The following KLHL4 variants were observed in gnomAD, a reference collection of about 807,000 sequenced individuals.
The protein encoded by KLHL4 is kelch-like protein 4.
Under a neutral mutation model 45.8 loss-of-function variants are expected in KLHL4, and 17 were observed. That is an observed-to-expected ratio of 0.37 (90% CI 0.25 to 0.56). The LOEUF is 0.56. Among genes scored for constraint, KLHL4 ranks in the 20% least tolerant of loss-of-function variants. The pLI is 0.79. For synonymous variants in KLHL4, 224 were observed against 189.9 expected, an observed-to-expected ratio of 1.18 and a Z score of -1.47; for missense variants, 544 against 544.9, an observed-to-expected ratio of 1.00 and a Z score of 0.02.
intron 1 of KLHL4, among the ~76,000 whole-genome samples, chrX:87,588,292 C>G (rs1348841001): frequency 5.4e-5 from 6 of 111,646 alleles, no homozygotes; most frequent in Admixed American, 1.9e-4. Context: ...AATAGAAAAA[C>G]AAATTGAAAA....
chrX:87,653,969 A>G (rs1388879232), intron 9 of KLHL4, among the ~76,000 whole-genome samples: 1 of 110,269 alleles, frequency 9.1e-6, no homozygotes, highest in East Asian at 2.9e-4. Context: ...GCAAACACTG[A>G]GGCTTGTCAG....
intron 1 of KLHL4, among the ~76,000 whole-genome samples, chrX:87,537,834 G>A (rs760560505): frequency 3.4e-4 from 38 of 111,179 alleles, no homozygotes; most frequent in African/African-American, 1.2e-3. Context: ...TATGGTACTT[G>A]TAATTAATGT....
intron 1 of KLHL4, among the ~76,000 whole-genome samples, chrX:87,596,220 C>T (rs181302408): frequency 5.8e-4 from 65 of 111,881 alleles, no homozygotes; most frequent in Middle Eastern, 4.6e-3. Flanking sequence ...ACAATTAAAC[C>T]TCTTTTCTTT....
Position 87,618,002 on chromosome X carries a change from G to C in KLHL4, c.798G>C (p.Gln266His), listed in dbSNP as rs767693104. The stretch of plus-strand genomic sequence containing the variant: ...CAGCTTGTCTTCTGCAGCTGACTCA[G>C]GTCATTGATGTTTGCTCCAATTTTC... ...LAAACLLQLT[Q>H]VIDVCSNFLI... The change falls in exon 4 of 11, where the codon CAG (glutamine) becomes CAC (histidine). Residue 266 changes from glutamine to histidine, a missense_variant. By Grantham distance (24) the Gln-to-His change is conservative (BLOSUM62 0). Coordinates refer to ENST00000373119, the MANE Select transcript of KLHL4 (RefSeq NM_019117.5). The C allele has an allele frequency of 1.7e-6, 2 of 1,209,051 alleles. No individual in the cohort carries two copies. The highest frequency in any genetic ancestry group is 3.5e-5 in the African/African-American group (2 of 57,124).
At chrX:87,527,695 A>G (rs1021475863) in intron 1 of KLHL4, among the ~76,000 whole-genome samples, 12 of 109,460 alleles carry the variant, frequency 1.1e-4, no homozygotes, top group Admixed American at 9.9e-4. Flanking sequence ...AAACGGTGAC[A>G]CTGCCATCCC....
intron 1 of KLHL4, among the ~76,000 whole-genome samples, chrX:87,533,684 C>T (rs1250157418): frequency 9.2e-6 from 1 of 109,206 alleles, no homozygotes; most frequent in African/African-American, 3.3e-5. Context: ...TGCACATGTA[C>T]CCTAAAACTT....
At chrX:87,594,602 T>C (rs1381629913) in intron 1 of KLHL4, among the ~76,000 whole-genome samples, 1 of 111,527 alleles carries the variant, frequency 9.0e-6, no homozygotes, top group East Asian at 2.8e-4. Flanking sequence ...ACTTTTACTA[T>C]GGGTTTTCAC....
chrX:87,522,641 C>A (rs768014244), intron 1 of KLHL4, among the ~76,000 whole-genome samples: 1 of 112,349 alleles, frequency 8.9e-6, no homozygotes, highest in African/African-American at 3.2e-5. Context: ...AAATGAACTA[C>A]AATTATATAG....
chrX:87,660,245 C>T (rs2147842075), intron 9 of KLHL4, among the ~76,000 whole-genome samples: 1 of 111,315 alleles, frequency 9.0e-6, no homozygotes, highest in African/African-American at 3.3e-5. Context: ...AGAGAATGTA[C>T]ACAGATATTT....
At position 87,668,229 on chromosome X, in the gene KLHL4, G is replaced by A; in HGVS notation, c.*1695G>A. On this transcript the variant is annotated 3_prime_UTR_variant, in exon 11 of 11. Transcript: ENST00000373119. ...AGTTACCTAAACCTTTATCGCCAAT[G>A]CACAGCTTGGCCTGTTAAGTTAAAT... 2 of 752,846 alleles carry A rather than the reference G, an allele frequency of 2.7e-6. No homozygotes were observed. The highest frequency in any genetic ancestry group is 3.1e-6 in the Non-Finnish European group (2 of 638,122). 62.0% of individuals were successfully genotyped at this position (752,846 alleles called of 1,213,427 possible).
intron 1 of KLHL4, among the ~76,000 whole-genome samples, chrX:87,545,279 C>T (rs949296754): frequency 9.0e-6 from 1 of 111,621 alleles, no homozygotes; most frequent in Non-Finnish European, 1.9e-5. Context: ...CTTTGTGTCC[C>T]CACCAAAATC....
intron 1 of KLHL4, among the ~76,000 whole-genome samples, chrX:87,530,984 C>T: frequency 9.0e-6 from 1 of 111,606 alleles, no homozygotes; most frequent in Middle Eastern, 4.6e-3. Context: ...GAGATGGTAT[C>T]TCATTGTGGT....
rs1235977906 is a variant in KLHL4, at chrX:87,666,480, T to C, written c.2103T>C (p.Val701=). The part of the protein sequence containing the change: ...DAQRNEWKEE[V]PVNIGRAGAC... ...TTTCTTATTTTGTGTTTTAGGAAGT[T>C]CCTGTTAACATTGGAAGAGCTGGTG... is the stretch of plus-strand genomic sequence containing the variant. Residue 701 remains valine (V), a synonymous_variant, in exon 11 of 11, where the codon GTT becomes GTC. Coordinates refer to ENST00000373119, the MANE Select transcript of KLHL4 (RefSeq NM_019117.5). 1 of 1,184,641 alleles carries C rather than the reference T, an allele frequency of 8.4e-7. No individual in the cohort carries two copies. The highest frequency in any genetic ancestry group is 1.1e-6 in the Non-Finnish European group (1 of 874,075).
chrX:87,551,278 T>G (rs2147778783), intron 1 of KLHL4, among the ~76,000 whole-genome samples: 1 of 107,422 alleles, frequency 9.3e-6, no homozygotes, highest in South Asian at 4.0e-4. Context: ...AAAAAAAAAT[T>G]AAACTTAGGA....
rs568666096 is a variant in KLHL4 at position 87,535,543 on chromosome X, C to A, written c.422+17228C>A. Among the ~76,000 whole-genome samples, 30 of 111,758 alleles carry A rather than the reference C, an allele frequency of 2.7e-4. No homozygotes were observed. In the South Asian group the frequency reaches 0.011, roughly 42 times the overall value. On this transcript the variant is annotated intron_variant, in intron 1 of 10. Transcript: ENST00000373119. ...GAAAATATCTAAAACATTCAGCCAA[C>A]TCAGGAGCAACTATTATACTCTGTA...
Position 87,517,866 on chromosome X carries a change from G to A in KLHL4, c.-28G>A. 1.7e-6 allele frequency: 2 copies of A among 1,170,123 alleles called. No individual in the cohort carries two copies. The highest frequency in any genetic ancestry group is 2.3e-6 in the Non-Finnish European group (2 of 874,965). ...AAGGCTCCGTTTCCTTTCTGTGAGA[G>A]AAGGCTTTTGTCTTTCCTCCTGCTA... On this transcript the variant is annotated 5_prime_UTR_variant, in exon 1 of 11. Transcript: ENST00000373119.
chrX:87,533,114 A>T (rs1481931116), intron 1 of KLHL4, among the ~76,000 whole-genome samples: 2 of 108,646 alleles, frequency 1.8e-5, no homozygotes, highest in Non-Finnish European at 3.8e-5. Flanking sequence ...TGGGACTGTA[A>T]ACTAGTTCAA....
Position 87,667,230 on chromosome X carries a change from A to G in KLHL4, c.*696A>G. 1.4e-6 allele frequency: 1 copy of G among 712,168 alleles called. No individual in the cohort carries two copies. Among genetic ancestry groups the G allele is most frequent in the Non-Finnish European group, 1.7e-6 (1 of 600,900 alleles). 58.7% of individuals were successfully genotyped at this position (712,168 alleles called of 1,213,427 possible). Reference sequence around the variant, plus strand: ...TATCTTGTTAGATTTGTTACCAGTAAAATATTACTGTAATTTCATATACAC... The same window carrying G: ...TATCTTGTTAGATTTGTTACCAGTAGAATATTACTGTAATTTCATATACAC... On this transcript the variant is annotated 3_prime_UTR_variant, in exon 11 of 11. Transcript: ENST00000373119.
chrX:87,534,925 C>T (rs1244274325), intron 1 of KLHL4, among the ~76,000 whole-genome samples: 2 of 111,800 alleles, frequency 1.8e-5, no homozygotes. Context: ...CTTTCAGAAG[C>T]ACTTGTCGGA....
Sources: allele counts gnomAD v4.1 joint callset (sites outside exome capture counted in the v4.1 genomes callset), GRCh38; gene constraint gnomAD v4.1.1; transcripts MANE v1.5; gene names NCBI Gene and HGNC (gene_info 2026-07-23, HGNC 2026-07-21).